Variants in ACO1 observed in about 807,000 individuals in gnomAD.
The protein encoded by ACO1 is cytoplasmic aconitate hydratase.
Under a neutral mutation model 105.1 loss-of-function variants are expected in ACO1, and 78 were observed. That is an observed-to-expected ratio of 0.74 (90% CI 0.62 to 0.90). ACO1 has a LOEUF of 0.90. Ranked by LOEUF, ACO1 falls within the 40% of genes least tolerant of loss-of-function variation. The probability of loss-of-function intolerance (pLI) is 0.00; values close to 1 mark genes in which losing one functional copy is unlikely to be tolerated. For synonymous variants in ACO1, 364 were observed against 397.4 expected (o/e 0.92, Z 1.00); for missense variants, 965 against 1,111.1 (o/e 0.87, Z 1.87).
chr9:32,393,362 C>T (rs538355594), intron 1 of ACO1, among the ~76,000 whole-genome samples: 16 of 152,242 alleles, frequency 1.1e-4, no homozygotes, highest in South Asian at 2.1e-4. Context: ...TCTCCTGTAG[C>T]GCTCCCAGGC....
chr9:32,434,470 C>T, intron 16 of ACO1, 89 bp from the exon 17 acceptor site: 2 of 1,489,914 alleles, frequency 1.3e-6, no homozygotes, highest in South Asian at 2.4e-5. Context: ...TCCTCTGATT[C>T]AGGTCCATGG....
At chr9:32,405,106 T>TAAGACTAGGTGG (rs1417158513) in intron 1 of ACO1, among the ~76,000 whole-genome samples, 6,611 of 41,690 alleles carry the variant, frequency 0.16, 481 homozygotes, top group African/African-American at 0.33. Context: ...ATACAGCATG[T>TAAGACTAGGTGG]GAGACGTAGT....
In ACO1 at chr9:32,451,772, C is replaced by T. The variant is rs560503499; in HGVS notation, c.*1661C>T. 1 of 152,226 alleles carries T rather than the reference C, an allele frequency of 6.6e-6. No homozygotes were observed. Among genetic ancestry groups the T allele is most frequent in the Admixed American group, 6.5e-5 (1 of 15,294 alleles). The allele number at this position is 152,226 out of a possible 1,614,324, so 9.4% of individuals were successfully genotyped here. On this transcript the variant is annotated 3_prime_UTR_variant, in exon 21 of 21. Coordinates refer to ENST00000309951, the MANE Select transcript of ACO1 (RefSeq NM_002197.3). ...TTATATTCATTTAAAAAATAAATTA[C>T]AAACAAACAGCCAGGCGCAGTGGCT...
rs796792969 is a variant in ACO1, at chr9:32,424,529, C to A, written c.1072-20C>A. The A allele has an allele frequency of 1.3e-5, 20 of 1,540,132 alleles. No individual in the cohort carries two copies. The African/African-American group carries it at 2.2e-4, about 17-fold the overall frequency. ...GGGTATAATGTAAATTCTATAATTT[C>A]TTTTCTTTGGGGTCAACAGGTTGTG... On this transcript the variant is annotated intron_variant, in intron 9 of 20. Coordinates refer to ENST00000309951, the MANE Select transcript of ACO1 (RefSeq NM_002197.3).
intron 4 of ACO1, 120 bp from the exon 5 acceptor site, chr9:32,418,008 T>C: frequency 1.2e-6 from 1 of 807,084 alleles, no homozygotes; most frequent in Non-Finnish European, 2.0e-6. Flanking sequence ...TGAATGAAAT[T>C]CATATTATCA....
At position 32,430,591 on chromosome 9, in the gene ACO1, G is replaced by A. The variant is rs767187646; in HGVS notation, c.1726+17G>A. The A allele has an allele frequency of 2.5e-6, 4 of 1,576,084 alleles. No homozygotes were observed. Among genetic ancestry groups the A allele is most frequent in the Admixed American group, 1.9e-5 (1 of 52,860 alleles). On this transcript the variant is annotated intron_variant, in intron 14 of 20. Transcript: ENST00000309951. ...AGCCATTGGGTAAGATTTTGTTTGT[G>A]CAGCCATAATTTTTTTCCAGTGAAT...
chr9:32,388,193 G>A (rs951831708), intron 1 of ACO1, among the ~76,000 whole-genome samples: 5 of 152,164 alleles, frequency 3.3e-5, no homozygotes, highest in African/African-American at 1.2e-4. Context: ...AACTAGTAGT[G>A]TCTCTAAGAG....
At chr9:32,425,678 T>A (rs3780474) in intron 10 of ACO1, among the ~76,000 whole-genome samples, 160 bp from the exon 11 acceptor site, 1 of 152,102 alleles carries the variant, frequency 6.6e-6, no homozygotes, top group South Asian at 2.1e-4. Context: ...GAGATACTTA[T>A]GCTTTTGTTA....
intron 1 of ACO1, among the ~76,000 whole-genome samples, chr9:32,389,819 G>C (rs1344930042): frequency 2.2e-5 from 1 of 45,708 alleles, no homozygotes; most frequent in Admixed American, 2.4e-4. Flanking sequence ...TTTTTTTTGA[G>C]ACAGCGTCTC....
chr9:32,446,660 G>T (rs1003377923), intron 19 of ACO1, among the ~76,000 whole-genome samples: 1 of 152,174 alleles, frequency 6.6e-6, no homozygotes, highest in African/African-American at 2.4e-5. Context: ...CCCATTAGTT[G>T]ATGCAGTTTT....
chr9:32,419,897 A>ATT (rs962832131), intron 7 of ACO1, among the ~76,000 whole-genome samples: 1 of 152,028 alleles, frequency 6.6e-6, no homozygotes, highest in African/African-American at 2.4e-5. Context: ...CACAAACATA[A>ATT]TTTTTTTTGC....
intron 4 of ACO1, among the ~76,000 whole-genome samples, chr9:32,412,031 A>T (rs1474707635): frequency 1.3e-5 from 2 of 152,160 alleles, no homozygotes; most frequent in South Asian, 2.1e-4. Flanking sequence ...GCACCATTAC[A>T]TCTAGCTAAT....
At position 32,426,348 on chromosome 9, in the gene ACO1, A is replaced by G. The variant is rs75981550; in HGVS notation, c.1348+351A>G. Among the ~76,000 whole-genome samples, 1,081 of 152,330 alleles carry G rather than the reference A, an allele frequency of 7.1e-3. 15 individuals carry two copies. The highest frequency in any genetic ancestry group is 0.025 in the African/African-American group (1,044 of 41,570). On this transcript the variant is annotated intron_variant, in intron 11 of 20. Transcript: ENST00000309951. ...TTTGTTCTCCGTGAAACCCCTGAGC[A>G]GCAGGATTGAGTTCTGACGTGAATG...
intron 1 of ACO1, among the ~76,000 whole-genome samples, chr9:32,393,668 T>TCA (rs1479768838): frequency 6.6e-6 from 1 of 152,156 alleles, no homozygotes; most frequent in Non-Finnish European, 1.5e-5. Context: ...TCAGGGGGCA[T>TCA]CACAGAACCT....
chr9:32,441,489 G>T (rs902293300), intron 19 of ACO1, among the ~76,000 whole-genome samples: 1 of 152,138 alleles, frequency 6.6e-6, no homozygotes, highest in African/African-American at 2.4e-5. Context: ...TTAGGCTTCT[G>T]ATAATGTCTT....
chr9:32,411,663 AAGT>A (rs1163491282), intron 4 of ACO1, among the ~76,000 whole-genome samples: 3 of 152,206 alleles, frequency 2.0e-5, no homozygotes, highest in African/African-American at 7.2e-5. Context: ...AGGAATAAAA[AAGT>A]AAATATTTGA....
At chr9:32,428,839 G>T (rs975677073) in intron 12 of ACO1, among the ~76,000 whole-genome samples, 1 of 145,992 alleles carries the variant, frequency 6.8e-6, no homozygotes, top group Non-Finnish European at 1.5e-5. Flanking sequence ...GCGAGACTCC[G>T]TCTCAAAAAA....
chr9:32,446,992 T>C (rs1822624687), intron 19 of ACO1, among the ~76,000 whole-genome samples: 1 of 152,214 alleles, frequency 6.6e-6, no homozygotes, highest in Admixed American at 6.5e-5. Context: ...ACCCGACCTT[T>C]CTCTCTGGCT....
chr9:32,391,215 A>G (rs1202682319), intron 1 of ACO1, among the ~76,000 whole-genome samples: 2 of 152,232 alleles, frequency 1.3e-5, no homozygotes, highest in African/African-American at 2.4e-5. Context: ...GTTACCTAAA[A>G]TCTGCAAAGA....
Sources: gnomAD v4.1 joint callset for allele counts (sites outside exome capture counted in the v4.1 genomes callset) on GRCh38, gnomAD v4.1.1 for gene constraint, MANE v1.5 for transcripts, NCBI Gene and HGNC (gene_info 2026-07-23, HGNC 2026-07-21) for gene names.